Variants in DNAH5 observed in about 807,000 individuals in gnomAD.
The protein encoded by DNAH5 is dynein axonemal heavy chain 5, also known as axonemal beta dynein heavy chain 5.
DNAH5 carries 372 observed loss-of-function variants against 518.2 expected under a neutral mutation model. That is an observed-to-expected ratio of 0.72 (90% CI 0.66 to 0.78). DNAH5 has a LOEUF of 0.78. Ranked by LOEUF, DNAH5 falls within the 30% of genes least tolerant of loss-of-function variation. The pLI, the probability that DNAH5 is intolerant of heterozygous loss-of-function variation, is 0.00. For missense variants in DNAH5, 5,523 were observed against 5,687.0 expected (o/e 0.97, Z 0.93); for synonymous variants, 2,039 against 2,025.9 (o/e 1.01, Z -0.17).
At chr5:13,810,703 A>G (rs757131194) in intron 44 of DNAH5, among the ~76,000 whole-genome samples, 5 of 151,946 alleles carry the variant, frequency 3.3e-5, no homozygotes, top group African/African-American at 4.8e-5. Context: ...GCAGTGAGCC[A>G]AGATGGCGCT....
In DNAH5 at chr5:13,931,142, C is replaced by T. The variant is rs866784113; in HGVS notation, c.160G>A (p.Glu54Lys). ...CCTTCAAGAATGGCATCCTCCACTT[C>T]GGTTTTGTTCAGGTCCAAACAGGAA... ...VASCLDLNKTEVEDAILEGNQ... is the reference protein window; with the variant it reads ...VASCLDLNKTKVEDAILEGNQ... The change falls in exon 2 of 79, where the codon GAA (glutamate) becomes AAA (lysine). Residue 54 changes from glutamate (E) to lysine (K), a missense_variant. Glu to Lys is a moderately conservative substitution (Grantham distance 56, BLOSUM62 1). This residue lies in a region of DNAH5 where 5,121 missense variants were observed against 5,223.3 expected (regional missense o/e 0.98). Transcript: ENST00000265104. 3 of 1,613,996 alleles carry T rather than the reference C, an allele frequency of 1.9e-6. No individual in the cohort carries two copies. The highest frequency in any genetic ancestry group is 2.5e-6 in the Non-Finnish European group (3 of 1,179,980).
Position 13,762,716 on chromosome 5 carries a change from G to A in DNAH5, c.10281+6C>T. ...ACCTTCACCCAGGTCTGCCTAGCAG[G>A]CTTACCTTCAGAGGCAGTACTTCTT... On this transcript the variant is annotated splice_donor_region_variant and intron_variant, in intron 60 of 78. Transcript: ENST00000265104. The A allele has an allele frequency of 1.2e-6, 2 of 1,613,798 alleles. No homozygotes were observed. The highest frequency in any genetic ancestry group is 1.7e-6 in the Non-Finnish European group (2 of 1,179,856).
chr5:13,982,723 A>AAT (rs1782776991), intron 1 of DNAH5, among the ~76,000 whole-genome samples: 2 of 152,146 alleles, frequency 1.3e-5, no homozygotes, highest in Non-Finnish European at 2.9e-5. Flanking sequence ...CTATTGCATG[A>AAT]GTGAGTAGAC....
chr5:13,999,587 T>C lies in DNAH5; in HGVS notation c.12+12061A>G, dbSNP rs1581146898. Among the ~76,000 whole-genome samples, 4 of 152,372 alleles carry C rather than the reference T, an allele frequency of 2.6e-5. 1 individual carries two copies. The highest frequency in any genetic ancestry group is 2.6e-4 in the Admixed American group (4 of 15,310). ...ACAGCACACTTCCTTTATCCATTCA[T>C]CTGTTGATGGACATTTAGGCTGTTT... On this transcript the variant is annotated intron_variant, in intron 1 of 78. Transcript: ENST00000681290.
intron 1 of DNAH5, among the ~76,000 whole-genome samples, chr5:13,965,831 G>T (rs1338605765): frequency 6.6e-6 from 1 of 152,062 alleles, no homozygotes; most frequent in African/African-American, 2.4e-5. Context: ...TAGGTATTTG[G>T]AGAACAGGTG....
Position 13,841,467 on chromosome 5 carries a change from A to G in DNAH5, c.5484+225T>C, listed in dbSNP as rs573960079. 5.8e-4 allele frequency among the ~76,000 whole-genome samples: 88 copies of G among 152,370 alleles called. 1 individual carries two copies. The highest frequency in any genetic ancestry group is 2.1e-3 in the African/African-American group (87 of 41,590). The stretch of plus-strand genomic sequence containing the variant: ...AACCGTTTTAAATTAAAGACAATAC[A>G]TCAAATATATCTATAACCCAAATAC... On this transcript the variant is annotated intron_variant, in intron 33 of 78. Coordinates refer to ENST00000265104, the MANE Select transcript of DNAH5 (RefSeq NM_001369.3).
intron 1 of DNAH5, among the ~76,000 whole-genome samples, chr5:13,961,195 T>C (rs1354830861): frequency 1.3e-5 from 2 of 152,152 alleles, no homozygotes; most frequent in Non-Finnish European, 1.5e-5. Context: ...AATATAAAAA[T>C]CATCTTTTTA....
chr5:13,849,770 C>A (rs1766564190), intron 31 of DNAH5, among the ~76,000 whole-genome samples: 1 of 152,152 alleles, frequency 6.6e-6, no homozygotes, highest in Non-Finnish European at 1.5e-5. Context: ...TACAAGTACC[C>A]TCTTACAGGT....
chr5:13,953,901 T>G (rs2152038863), intron 1 of DNAH5, among the ~76,000 whole-genome samples: 1 of 152,212 alleles, frequency 6.6e-6, no homozygotes, highest in South Asian at 2.1e-4. Context: ...AGAGACGAGG[T>G]TTCACCATGT....
At chr5:13,967,521 T>C (rs1781604509) in intron 1 of DNAH5, among the ~76,000 whole-genome samples, 1 of 152,220 alleles carries the variant, frequency 6.6e-6, no homozygotes, top group African/African-American at 2.4e-5. Context: ...CTCTATTCTG[T>C]TCCATTGGTC....
chr5:13,871,896 G>T (rs985681855), intron 22 of DNAH5, 131 bp from the exon 23 acceptor site: 1 of 838,468 alleles, frequency 1.2e-6, no homozygotes, highest in African/African-American at 1.7e-5. Flanking sequence ...GTGATTATCT[G>T]GAAATGCCAA....
intron 35 of DNAH5, among the ~76,000 whole-genome samples, chr5:13,837,903 T>A (rs977085627): frequency 6.6e-6 from 1 of 152,040 alleles, no homozygotes; most frequent in Non-Finnish European, 1.5e-5. Flanking sequence ...GGTTTCACCG[T>A]GTTAGCCTGG....
At chr5:13,744,310 A>G (rs1363064935) in intron 65 of DNAH5, among the ~76,000 whole-genome samples, 1 of 152,050 alleles carries the variant, frequency 6.6e-6, no homozygotes, top group East Asian at 1.9e-4. Flanking sequence ...AGTGAAAAGT[A>G]GAACAGAGGA....
chr5:13,986,630 G>A (rs887524402), intron 1 of DNAH5, among the ~76,000 whole-genome samples: 1 of 152,148 alleles, frequency 6.6e-6, no homozygotes, highest in African/African-American at 2.4e-5. Flanking sequence ...GAGAGCCCTA[G>A]GTTACCTGCA....
At position 13,808,225 on chromosome 5, in the gene DNAH5, CAAAAAAA is replaced by C. The variant is rs56686032; in HGVS notation, c.7753-507_7753-501del. ...AACCTGGGTGACAGAGACTCCATCT[CAAAAAAA>C]AAAAAAAAAAAAAAAAGAGGAAATT... On this transcript the variant is annotated intron_variant, in intron 46 of 78. Transcript: ENST00000265104. Among the ~76,000 whole-genome samples, 22 of 86,354 alleles carry C rather than the reference CAAAAAAA, an allele frequency of 2.5e-4. No homozygotes were observed. The East Asian group carries it at 3.0e-3, about 12-fold the overall frequency. The allele number at this position is 86,354 out of a possible 152,430, so 56.7% of individuals were successfully genotyped here.
intron 32 of DNAH5, among the ~76,000 whole-genome samples, chr5:13,842,437 A>G (rs113835929): frequency 0.04 from 3,562 of 89,728 alleles, 265 homozygotes; most frequent in East Asian, 0.068. Context: ...GAAAGAAAGA[A>G]AGAAAGAAAG....
At chr5:13,898,505 T>A in intron 15 of DNAH5, 1 of 398,588 alleles carries the variant, frequency 2.5e-6, no homozygotes, top group East Asian at 3.6e-5. Flanking sequence ...ATACAACTTT[T>A]TAATATGACA....
At chr5:13,710,872 T>C in intron 75 of DNAH5, among the ~76,000 whole-genome samples, 1 of 152,118 alleles carries the variant, frequency 6.6e-6, no homozygotes, top group Non-Finnish European at 1.5e-5. Context: ...GAAATGGTAA[T>C]TTAAAAATTA....
intron 30 of DNAH5, among the ~76,000 whole-genome samples, chr5:13,858,502 G>A (rs1001249914): frequency 2.6e-5 from 4 of 152,160 alleles, no homozygotes; most frequent in African/African-American, 9.6e-5. Flanking sequence ...AACCACCATG[G>A]CACCTGTATT....
Sources: allele counts gnomAD v4.1 joint callset (sites outside exome capture counted in the v4.1 genomes callset), GRCh38; gene constraint gnomAD v4.1.1; regional missense constraint gnomAD v4.1.1; transcripts MANE v1.5; gene names NCBI Gene and HGNC (gene_info 2026-07-23, HGNC 2026-07-21).